VAV3: variants seen among roughly 807,000 people sequenced by gnomAD.
VAV3 encodes the protein vav guanine nucleotide exchange factor 3.
Under a neutral mutation model 131.2 loss-of-function variants are expected in VAV3, and 94 were observed. That is an observed-to-expected ratio of 0.72 (90% confidence interval 0.61 to 0.85). VAV3 has a LOEUF of 0.85. VAV3 is among the 40% of genes least tolerant of loss of function. VAV3 has a pLI of 0.00. For synonymous variants in VAV3, 349 were observed against 342.0 expected, an observed-to-expected ratio of 1.02 and a Z score of -0.22; for missense variants, 939 against 1,002.7, an observed-to-expected ratio of 0.94 and a Z score of 0.86.
intron 15 of VAV3, among the ~76,000 whole-genome samples, chr1:107,741,541 C>T (rs907655301): frequency 6.6e-5 from 10 of 152,094 alleles, no homozygotes; most frequent in Non-Finnish European, 1.5e-4. Flanking sequence ...CACTGTGACG[C>T]CTGTTGGCAT....
In VAV3 at chr1:107,939,310, C is replaced by T. The variant is rs138335150; in HGVS notation, c.204+25356G>A. Among the ~76,000 whole-genome samples the T allele has an allele frequency of 5.0e-4, 76 of 152,278 alleles. No individual in the cohort carries two copies. The East Asian group carries it at 7.9e-3, about 16-fold the overall frequency. The stretch of plus-strand genomic sequence containing the variant: ...CTAGACTCAAATTTTCTTGCCTTTA[C>T]ACAGATGGTCCTAGGCTTACTATGG... On this transcript the variant is annotated intron_variant, in intron 1 of 26. Coordinates refer to ENST00000370056, the MANE Select transcript of VAV3 (RefSeq NM_006113.5).
intron 17 of VAV3, chr1:107,688,612 C>T: frequency 1.5e-6 from 2 of 1,362,712 alleles, no homozygotes. Flanking sequence ...AGGAAAGTGA[C>T]TCACAGTTTT....
chr1:107,761,205 T>C (rs551640654), intron 9 of VAV3, among the ~76,000 whole-genome samples: 80 of 152,072 alleles, frequency 5.3e-4, no homozygotes, highest in South Asian at 4.4e-3. Flanking sequence ...CTGGCTAACA[T>C]GGTGAAACCC....
chr1:107,901,287 C>T (rs1383170206), intron 1 of VAV3, among the ~76,000 whole-genome samples: 1 of 152,130 alleles, frequency 6.6e-6, no homozygotes, highest in Non-Finnish European at 1.5e-5. Context: ...AATTATACAC[C>T]AAGGTATCCT....
At chr1:107,578,658 G>C (rs528111175) in intron 25 of VAV3, 1 of 345,952 alleles carries the variant, frequency 2.9e-6, no homozygotes, top group East Asian at 1.7e-4. Flanking sequence ...GCCCAGTTTG[G>C]AGTGCAGTTA....
At chr1:107,830,650 C>A (rs1295712270) in intron 2 of VAV3, among the ~76,000 whole-genome samples, 1 of 152,038 alleles carries the variant, frequency 6.6e-6, no homozygotes, top group Non-Finnish European at 1.5e-5. Flanking sequence ...CTGCCTGTCA[C>A]ACCCTTCCAA....
Position 107,704,978 on chromosome 1 carries a change from A to G in VAV3, c.1586T>C (p.Val529Ala). The G allele has an allele frequency of 6.2e-7, 1 of 1,613,916 alleles. No homozygotes were observed. Among genetic ancestry groups the G allele is most frequent in the African/African-American group, 1.3e-5 (1 of 75,058 alleles). The part of the protein sequence containing the change: ...HTFTRVTSCK[V>A]CQMLLRGTFY... ...GGCTTACCTCAGGAGCATCTGGCAG[A>G]CTTTGCAGGATGTGACTCGAGTGAA... The change falls in exon 16 of 27, where the codon GTC becomes GCC. Residue 529 changes from valine to alanine, a missense_variant. Coordinates refer to ENST00000370056, the MANE Select transcript of VAV3 (RefSeq NM_006113.5).
At chr1:107,588,181 A>C in intron 25 of VAV3, among the ~76,000 whole-genome samples, 1 of 152,236 alleles carries the variant, frequency 6.6e-6, no homozygotes, top group South Asian at 2.1e-4. Context: ...AAAAAAGGGA[A>C]GCCCAGCATC....
chr1:107,604,215 T>A (rs1420422052), intron 22 of VAV3, among the ~76,000 whole-genome samples: 1 of 152,210 alleles, frequency 6.6e-6, no homozygotes, highest in Admixed American at 6.5e-5. Context: ...GAAAATCCTC[T>A]GATTCACATA....
chr1:107,834,376 T>A (rs1668382001), intron 2 of VAV3, among the ~76,000 whole-genome samples: 1 of 152,100 alleles, frequency 6.6e-6, no homozygotes, highest in Non-Finnish European at 1.5e-5. Flanking sequence ...CCCCATGCAG[T>A]GCTCTAAGGC....
chr1:107,714,686 GAAAACGAA>G (rs1660989436), intron 15 of VAV3, among the ~76,000 whole-genome samples: 1 of 151,874 alleles, frequency 6.6e-6, no homozygotes, highest in South Asian at 2.1e-4. Context: ...GAAAGGGCAA[GAAAACGAA>G]AAACAAACGG....
At chr1:107,808,362 G>A (rs563315750) in intron 2 of VAV3, among the ~76,000 whole-genome samples, 91 of 152,242 alleles carry the variant, frequency 6.0e-4, no homozygotes, top group Non-Finnish European at 1.1e-3. Context: ...AGTAATGAAT[G>A]TGCATAGAAT....
chr1:107,855,698 G>A (rs1387908841), intron 2 of VAV3, among the ~76,000 whole-genome samples: 1 of 152,050 alleles, frequency 6.6e-6, no homozygotes, highest in East Asian at 1.9e-4. Context: ...GGACTGGTAG[G>A]GTGACCCACA....
At chr1:107,931,656 T>C (rs1052923681) in intron 1 of VAV3, among the ~76,000 whole-genome samples, 4 of 152,206 alleles carry the variant, frequency 2.6e-5, no homozygotes, top group African/African-American at 4.8e-5. Flanking sequence ...TCATAAAGAA[T>C]TGTAGTCAAA....
intron 2 of VAV3, among the ~76,000 whole-genome samples, chr1:107,809,332 TA>T (rs1667209137): frequency 6.6e-6 from 1 of 152,150 alleles, no homozygotes; most frequent in Non-Finnish European, 1.5e-5. Flanking sequence ...ACAGAATGAA[TA>T]AAATATTTAA....
At chr1:107,706,829 C>G (rs558410928) in intron 15 of VAV3, among the ~76,000 whole-genome samples, 1 of 152,236 alleles carries the variant, frequency 6.6e-6, no homozygotes, top group South Asian at 2.1e-4. Context: ...AGTTTTCAAA[C>G]AGAAGTACAT....
intron 1 of VAV3, among the ~76,000 whole-genome samples, chr1:107,958,042 T>C (rs1674901299): frequency 1.3e-5 from 2 of 152,194 alleles, no homozygotes. Context: ...GTGCTTAAGA[T>C]GCCTAAAGAT....
At chr1:107,577,257 A>G (rs1407198596) in intron 25 of VAV3, among the ~76,000 whole-genome samples, 1 of 152,174 alleles carries the variant, frequency 6.6e-6, no homozygotes, top group African/African-American at 2.4e-5. Flanking sequence ...TCTGGACTCA[A>G]ACCTAAGTGA....
chr1:107,791,989 A>G (rs1399714858), intron 2 of VAV3, among the ~76,000 whole-genome samples: 1 of 152,222 alleles, frequency 6.6e-6, no homozygotes, highest in East Asian at 1.9e-4. Flanking sequence ...AGATCTGCTA[A>G]AAGCAGGCAA....
Sources: gnomAD v4.1 joint callset for allele counts (sites outside exome capture counted in the v4.1 genomes callset) on GRCh38, gnomAD v4.1.1 for gene constraint, MANE v1.5 for transcripts, NCBI Gene and HGNC (gene_info 2026-07-23, HGNC 2026-07-21) for gene names.